The following CYRIB variants were observed in gnomAD, a reference collection of about 807,000 sequenced individuals.
CYRIB encodes CYFIP-related Rac1 interactor B.
CYRIB carries 8 observed loss-of-function variants against 44.2 expected under a neutral mutation model. That is an observed-to-expected ratio of 0.18 (90% confidence interval 0.11 to 0.33). The LOEUF is 0.33. CYRIB is among the 10% of genes least tolerant of loss of function. The probability of loss-of-function intolerance (pLI) is 1.00; values close to 1 mark genes in which losing one functional copy is unlikely to be tolerated. For synonymous variants in CYRIB, 131 were observed against 127.2 expected, an observed-to-expected ratio of 1.03 and a Z score of -0.20; for missense variants, 185 against 382.8, an observed-to-expected ratio of 0.48 and a Z score of 4.31.
chr8:129,933,686 C>T (rs1434213568), intron 1 of CYRIB, among the ~76,000 whole-genome samples: 1 of 152,016 alleles, frequency 6.6e-6, no homozygotes, highest in African/African-American at 2.4e-5. Context: ...TGAGACCTGA[C>T]CAACCTGATG....
intron 1 of CYRIB, among the ~76,000 whole-genome samples, chr8:129,977,733 C>T (rs538062061): frequency 2.0e-4 from 30 of 152,094 alleles, no homozygotes; most frequent in African/African-American, 5.8e-4. Flanking sequence ...GGGGTTTCAC[C>T]GTGTTAGCCA....
chr8:129,989,519 T>C (rs1200926956), intron 1 of CYRIB, among the ~76,000 whole-genome samples: 3 of 151,886 alleles, frequency 2.0e-5, no homozygotes, highest in Non-Finnish European at 4.4e-5. Context: ...GGGACCAGGG[T>C]GTAGGTAGCA....
intron 1 of CYRIB, among the ~76,000 whole-genome samples, chr8:129,933,509 A>C (rs2092123570): frequency 6.6e-6 from 1 of 152,122 alleles, no homozygotes; most frequent in South Asian, 2.1e-4. Context: ...TAGGAAAATA[A>C]ATGTGACTTA....
chr8:129,889,553 G>C (rs1372041902), intron 2 of CYRIB, among the ~76,000 whole-genome samples: 2 of 152,124 alleles, frequency 1.3e-5, no homozygotes, highest in Non-Finnish European at 2.9e-5. Flanking sequence ...GTGATTCATG[G>C]GAAGGGGTCA....
chr8:129,893,521 A>C (rs1424019614), intron 2 of CYRIB, among the ~76,000 whole-genome samples: 3 of 152,148 alleles, frequency 2.0e-5, no homozygotes, highest in Non-Finnish European at 4.4e-5. Context: ...TTAGGAAGTA[A>C]TTCCAACATA....
At chr8:129,862,618 G>A (rs113687614) in intron 4 of CYRIB, among the ~76,000 whole-genome samples, 13 of 152,112 alleles carry the variant, frequency 8.5e-5, no homozygotes, top group South Asian at 6.2e-4. Context: ...CTACAGGCAC[G>A]CGCCACCACA....
At chr8:129,921,716 T>C (rs2083704670) in intron 1 of CYRIB, among the ~76,000 whole-genome samples, 1 of 152,224 alleles carries the variant, frequency 6.6e-6, no homozygotes, top group African/African-American at 2.4e-5. Flanking sequence ...ATGGGATGTA[T>C]TCAACATTAC....
chr8:129,908,684 GA>G (rs2076636638), intron 1 of CYRIB, among the ~76,000 whole-genome samples: 1 of 151,924 alleles, frequency 6.6e-6, no homozygotes, highest in Admixed American at 6.6e-5. Context: ...GTACTCTTAA[GA>G]AAACCATGTC....
intron 1 of CYRIB, among the ~76,000 whole-genome samples, chr8:130,003,941 G>C (rs540072163): frequency 6.6e-6 from 1 of 152,334 alleles, no homozygotes; most frequent in African/African-American, 2.4e-5. Flanking sequence ...GATTTGAGAC[G>C]TGCAGGAACA....
chr8:129,968,540 C>T (rs760822652), intron 2 of CYRIB, among the ~76,000 whole-genome samples: 2 of 152,058 alleles, frequency 1.3e-5, no homozygotes, highest in South Asian at 4.1e-4. Flanking sequence ...TCATTGTGAA[C>T]TCGTCTTCAG....
chr8:129,880,286 A>G (rs1483640993), intron 2 of CYRIB: 7 of 661,796 alleles, frequency 1.1e-5, no homozygotes, highest in Non-Finnish European at 1.1e-5. Context: ...TTAATTAACA[A>G]ATATTCTGGC....
intron 3 of CYRIB, among the ~76,000 whole-genome samples, chr8:129,877,424 G>C (rs1421162469): frequency 6.6e-6 from 1 of 152,126 alleles, no homozygotes; most frequent in African/African-American, 2.4e-5. Flanking sequence ...AAGGTGGGTG[G>C]ATCACTTGAG....
intron 1 of CYRIB, among the ~76,000 whole-genome samples, chr8:129,916,749 G>C (rs984208838): frequency 2.6e-5 from 4 of 152,194 alleles, no homozygotes; most frequent in Non-Finnish European, 5.9e-5. Flanking sequence ...ATTGGCTGCA[G>C]ATGTTAGTTG....
intron 2 of CYRIB, chr8:129,896,937 A>G (rs1450338344): frequency 2.6e-5 from 4 of 152,248 alleles, no homozygotes; most frequent in Non-Finnish European, 4.4e-5. Flanking sequence ...ACTGAAATGG[A>G]TAAGAGATTC....
intron 2 of CYRIB, among the ~76,000 whole-genome samples, chr8:129,969,824 C>A (rs1207527302): frequency 6.6e-6 from 1 of 152,234 alleles, no homozygotes; most frequent in Non-Finnish European, 1.5e-5. Flanking sequence ...AAATGACCAA[C>A]AGACGGAATA....
chr8:130,014,353 C>T (rs763561992), intron 1 of CYRIB, among the ~76,000 whole-genome samples: 1 of 152,180 alleles, frequency 6.6e-6, no homozygotes, highest in African/African-American at 2.4e-5. Flanking sequence ...TGGCTTGAGC[C>T]TGAGAGGTCA....
intron 2 of CYRIB, among the ~76,000 whole-genome samples, chr8:129,890,258 T>C (rs1015198556): frequency 6.6e-6 from 1 of 152,196 alleles, no homozygotes; most frequent in Non-Finnish European, 1.5e-5. Context: ...AAATCTTTCA[T>C]GGAAGTGTCA....
intron 1 of CYRIB, among the ~76,000 whole-genome samples, chr8:129,916,174 T>C (rs1439769158): frequency 2.0e-5 from 3 of 152,326 alleles, no homozygotes; most frequent in African/African-American, 4.8e-5. Flanking sequence ...TCCAACTTTC[T>C]TCTACAAAGG....
intron 1 of CYRIB, among the ~76,000 whole-genome samples, chr8:129,936,704 CTTT>C (rs397893033): frequency 5.9e-5 from 7 of 118,236 alleles, no homozygotes; most frequent in Admixed American, 1.9e-4. Context: ...ATATAGCAGT[CTTT>C]TTTTTTTTTT....
Sources: gnomAD v4.1 joint callset for allele counts (sites outside exome capture counted in the v4.1 genomes callset) on GRCh38, gnomAD v4.1.1 for gene constraint, MANE v1.5 for transcripts, NCBI Gene and HGNC (gene_info 2026-07-23, HGNC 2026-07-21) for gene names.